PXK: variants seen among roughly 807,000 people sequenced by gnomAD.
The protein encoded by PXK is PX domain-containing protein kinase-like protein.
Under a neutral mutation model 84.7 loss-of-function variants are expected in PXK, and 35 were observed. The observed-to-expected ratio is 0.41, with a 90% CI of 0.32 to 0.55. PXK has a LOEUF of 0.55. Ranked by LOEUF, PXK falls within the 20% of genes least tolerant of loss-of-function variation. The probability of loss-of-function intolerance (pLI) is 0.21; values close to 1 mark genes in which losing one functional copy is unlikely to be tolerated. For synonymous variants in PXK, 253 were observed against 260.8 expected (o/e 0.97, Z 0.29); for missense variants, 634 against 699.7 (o/e 0.91, Z 1.06).
At position 58,399,397 on chromosome 3, in the gene PXK, T is replaced by A. The variant is rs1476999026; in HGVS notation, c.1181+20T>A. On this transcript the variant is annotated intron_variant, in intron 12 of 17. Transcript: ENST00000356151. The surrounding 1 kb of genome is among the most constrained non-coding windows in gnomAD (Gnocchi z 4.3). ...GATGCCGTAAGTCAATCATATGCGT[T>A]GGTTGTAATCTTGATAACTATGTTG... 6.3e-7 allele frequency: 1 copy of A among 1,598,556 alleles called. No individual in the cohort carries two copies. Among genetic ancestry groups the A allele is most frequent in the Non-Finnish European group, 8.6e-7 (1 of 1,166,044 alleles).
chr3:58,423,261 G>C lies in PXK; in HGVS notation c.1529-1491G>C, dbSNP rs1231133481. ...AAGTCCTTTTTATCTCTGTAACCTG[G>C]TGACATAAAGCCAGGAACATTTTCC... is the stretch of plus-strand genomic sequence containing the variant. On this transcript the variant is annotated intron_variant, in intron 17 of 17. Coordinates refer to ENST00000356151, the MANE Select transcript of PXK (RefSeq NM_017771.5). 8.2e-6 allele frequency: 8 copies of C among 973,522 alleles called. No individual in the cohort carries two copies. In the Admixed American group the frequency reaches 4.9e-4, roughly 60 times the overall value. 60.3% of individuals were successfully genotyped at this position (973,522 alleles called of 1,614,324 possible).
chr3:58,387,685 C>T (rs1390266391), intron 4 of PXK, among the ~76,000 whole-genome samples: 1 of 152,126 alleles, frequency 6.6e-6, no homozygotes, highest in African/African-American at 2.4e-5. Flanking sequence ...CCTGGCTTTA[C>T]CCTTCCAGCC....
chr3:58,403,238 C>T (rs1293572427), intron 12 of PXK, among the ~76,000 whole-genome samples: 1 of 152,106 alleles, frequency 6.6e-6, no homozygotes, highest in African/African-American at 2.4e-5. Flanking sequence ...ACCCTGACCT[C>T]AAGTGATCCG....
chr3:58,404,460 C>T (rs1283756683), intron 13 of PXK, among the ~76,000 whole-genome samples: 1 of 152,214 alleles, frequency 6.6e-6, no homozygotes, highest in African/African-American at 2.4e-5. Flanking sequence ...TCCTTGCCCC[C>T]TCTCCTGCAC....
intron 4 of PXK, among the ~76,000 whole-genome samples, chr3:58,384,497 TTC>T (rs1338657325): frequency 6.6e-6 from 1 of 152,032 alleles, no homozygotes; most frequent in Non-Finnish European, 1.5e-5. Context: ...GTTTTTTTTG[TTC>T]ACGGAAGAGA....
chr3:58,421,441 C>T lies in PXK; in HGVS notation c.1529-3311C>T. 1.3e-6 allele frequency: 1 copy of T among 773,174 alleles called. No homozygotes were observed. The highest frequency in any genetic ancestry group is 1.6e-6 in the Non-Finnish European group (1 of 636,214). The allele number at this position is 773,174 out of a possible 1,614,324, so 47.9% of individuals were successfully genotyped here. Reference sequence around the variant, plus strand: ...ACTAAAAATACAAAAATTAGGTGGGCATGGTACCACGCGCCTGTAATCCCA... The same window carrying T: ...ACTAAAAATACAAAAATTAGGTGGGTATGGTACCACGCGCCTGTAATCCCA... On this transcript the variant is annotated intron_variant, in intron 17 of 17. Coordinates refer to ENST00000356151, the MANE Select transcript of PXK (RefSeq NM_017771.5). This position sits in a 1 kb window ranked among gnomAD's most constrained non-coding sequence, Gnocchi z 5.5.
At chr3:58,365,980 A>G (rs2098265928) in intron 2 of PXK, 56 bp downstream of exon 2, 1 of 1,430,320 alleles carries the variant, frequency 7.0e-7, no homozygotes, top group Non-Finnish European at 9.6e-7. Flanking sequence ...ATGCGTGACT[A>G]AAACCCTGAC....
chr3:58,424,433 G>A (rs2062504857), intron 17 of PXK, among the ~76,000 whole-genome samples: 2 of 152,124 alleles, frequency 1.3e-5, no homozygotes, highest in South Asian at 4.1e-4. Context: ...TCTTCTTTGG[G>A]GACTATTACT....
chr3:58,345,118 A>C (rs1480408434), intron 1 of PXK, among the ~76,000 whole-genome samples: 4 of 152,184 alleles, frequency 2.6e-5, no homozygotes, highest in Non-Finnish European at 5.9e-5. Flanking sequence ...TCAATATAGC[A>C]GCCACAAAAG....
At chr3:58,420,728 T>C in intron 17 of PXK, 1 of 1,443,508 alleles carries the variant, frequency 6.9e-7, no homozygotes, top group Non-Finnish European at 9.1e-7. Flanking sequence ...ACAGCATCTT[T>C]AAAAAGCACC....
Position 58,382,554 on chromosome 3 carries a change from T to A in PXK, c.242T>A (p.Ile81Asn). 6.3e-7 allele frequency: 1 copy of A among 1,591,924 alleles called. No individual in the cohort carries two copies. The highest frequency in any genetic ancestry group is 8.5e-7 in the Non-Finnish European group (1 of 1,173,156). ...CTACCTCTTCCTCCCAAAAAATTGATTGGTAACATGGATCGTGAATTCATA... is the reference window on the plus strand; with the variant it reads ...CTACCTCTTCCTCCCAAAAAATTGAATGGTAACATGGATCGTGAATTCATA... ...LSLPLPPKKL[I>N]GNMDREFIAE... Residue 81 changes from isoleucine to asparagine, a missense_variant, in exon 4 of 18, where the codon ATT becomes AAT. Physicochemically the swap from Ile to Asn is moderately radical, Grantham distance 149. Transcript: ENST00000356151.
In PXK at chr3:58,403,868, C is replaced by T; in HGVS notation, c.1188C>T (p.Phe396=). 1 of 1,544,344 alleles carries T rather than the reference C, an allele frequency of 6.5e-7. No individual in the cohort carries two copies. Among genetic ancestry groups the T allele is most frequent in the Non-Finnish European group, 8.8e-7 (1 of 1,135,438 alleles). The change falls in exon 13 of 18, where the codon TTC becomes TTT. Residue 396 remains phenylalanine, a synonymous_variant. Transcript: ENST00000356151. ...TTGTTTCTTTTCTTTACAGATTATT[C>T]AGCGATGTTTTACTAACCACTTCTG... ...TISRLLQMPL[F]SDVLLTTSEK... is the part of the protein sequence containing the mutation.
intron 1 of PXK, among the ~76,000 whole-genome samples, chr3:58,336,071 A>ATATATATTTTTTT (rs1284780630): frequency 3.9e-5 from 2 of 51,582 alleles, no homozygotes; most frequent in African/African-American, 2.0e-4. Flanking sequence ...ATATATATAT[A>ATATATATTTTTTT]TTTTTTTTTT....
chr3:58,397,802 G>A lies in PXK; in HGVS notation c.1102+80G>A. The A allele has an allele frequency of 8.6e-7, 1 of 1,163,928 alleles. No homozygotes were observed. The highest frequency in any genetic ancestry group is 1.2e-6 in the Non-Finnish European group (1 of 809,892). 72.1% of individuals were successfully genotyped at this position (1,163,928 alleles called of 1,614,324 possible). A position where few individuals can be genotyped will look rare whatever the true frequency, so the allele number is the denominator to read the frequency against. On this transcript the variant is annotated intron_variant, in intron 11 of 17. Coordinates refer to ENST00000356151, the MANE Select transcript of PXK (RefSeq NM_017771.5). This position sits in a 1 kb window ranked among gnomAD's most constrained non-coding sequence, Gnocchi z 4.7. The stretch of plus-strand genomic sequence containing the variant: ...CATCCCCTTTCCAGAGTCCAGGAAA[G>A]ACCCAGAGGAAGTTGCTGTCCTCCA...
intron 3 of PXK, among the ~76,000 whole-genome samples, chr3:58,375,939 A>C (rs1215833920): frequency 7.1e-6 from 1 of 140,990 alleles, no homozygotes; most frequent in Non-Finnish European, 1.6e-5. Flanking sequence ...GTGCAAAAAT[A>C]CACCAAGTTA....
At chr3:58,391,068 C>T in intron 5 of PXK, 79 bp from the exon 6 acceptor site, 1 of 1,025,088 alleles carries the variant, frequency 9.8e-7, no homozygotes, top group Non-Finnish European at 1.5e-6. Flanking sequence ...CTTAATTTTT[C>T]TTGATTACCT....
intron 17 of PXK, chr3:58,422,202 G>A (rs756249550): frequency 1.0e-6 from 1 of 985,332 alleles, no homozygotes; most frequent in Non-Finnish European, 1.2e-6. Context: ...GGGGCAGACT[G>A]AGTGAGACCG....
intron 2 of PXK, among the ~76,000 whole-genome samples, chr3:58,368,560 G>C (rs1007735471): frequency 6.6e-6 from 1 of 151,806 alleles, no homozygotes; most frequent in African/African-American, 2.4e-5. Context: ...GGCCTCAGGT[G>C]ATCCACCCGC....
At chr3:58,357,760 G>T (rs2098116259) in intron 1 of PXK, among the ~76,000 whole-genome samples, 1 of 152,154 alleles carries the variant, frequency 6.6e-6, no homozygotes, top group African/African-American at 2.4e-5. Context: ...GACCAGCCTG[G>T]CAAACATGGT....
Sources: gnomAD v4.1 joint callset for allele counts (sites outside exome capture counted in the v4.1 genomes callset) on GRCh38, gnomAD v4.1.1 for gene constraint, Gnocchi (gnomAD v3.1) non-coding constraint, MANE v1.5 for transcripts, NCBI Gene and HGNC (gene_info 2026-07-23, HGNC 2026-07-21) for gene names.